The following SH3RF1 variants were observed in gnomAD, a reference collection of about 807,000 sequenced individuals.
The protein encoded by SH3RF1 is SH3 domain containing ring finger 1.
A neutral mutation model predicts 74.0 loss-of-function variants in SH3RF1; 32 were observed. The ratio of observed to expected loss-of-function variants is 0.43; its 90% CI spans 0.33 to 0.58. The LOEUF (loss-of-function observed/expected upper bound fraction) is 0.58. Among genes scored for constraint, SH3RF1 ranks in the 20% least tolerant of loss-of-function variants. The pLI, the probability that SH3RF1 is intolerant of heterozygous loss-of-function variation, is 0.05. For missense variants in SH3RF1, 954 were observed against 1,130.9 expected, an observed-to-expected ratio of 0.84 and a Z score of 2.24; for synonymous variants, 396 against 439.6, an observed-to-expected ratio of 0.90 and a Z score of 1.24.
At chr4:169,127,297 T>C (rs910519768) in intron 6 of SH3RF1, among the ~76,000 whole-genome samples, 2 of 152,248 alleles carry the variant, frequency 1.3e-5, no homozygotes, top group South Asian at 4.1e-4. Flanking sequence ...GAAATAATTT[T>C]CATTTTTTAT....
chr4:169,125,515 A>G (rs1733511669), intron 6 of SH3RF1, among the ~76,000 whole-genome samples: 1 of 152,192 alleles, frequency 6.6e-6, no homozygotes, highest in Non-Finnish European at 1.5e-5. Flanking sequence ...GCCAAGGGCT[A>G]CAGGCCAGCT....
At chr4:169,121,060 T>C (rs1733429255) in intron 7 of SH3RF1, 71 bp from the exon 8 acceptor site, 3 of 1,300,722 alleles carry the variant, frequency 2.3e-6, no homozygotes, top group South Asian at 1.2e-5. Context: ...AAATTCTTCC[T>C]TGGTACAAAG....
chr4:169,152,036 A>C (rs544609176), intron 4 of SH3RF1, among the ~76,000 whole-genome samples: 2 of 152,246 alleles, frequency 1.3e-5, no homozygotes, highest in Non-Finnish European at 2.9e-5. Flanking sequence ...TTGAACAAAG[A>C]AGCAGATTAA....
rs144025259 is a variant in SH3RF1, at chr4:169,240,771, A to G, written c.393+28049T>C. Among the ~76,000 whole-genome samples, 12 of 152,264 alleles carry G rather than the reference A, an allele frequency of 7.9e-5. No individual in the cohort carries two copies. In the East Asian group the frequency reaches 2.3e-3, roughly 29 times the overall value. On this transcript the variant is annotated intron_variant, in intron 2 of 11. Coordinates refer to ENST00000284637, the MANE Select transcript of SH3RF1 (RefSeq NM_020870.4). ...TCCATAACACATTATTACTAACCAC[A>G]GTCACCATGCTGCACTTGCCTGTTT...
chr4:169,268,445 A>G (rs1288373178), intron 2 of SH3RF1, among the ~76,000 whole-genome samples: 2 of 152,206 alleles, frequency 1.3e-5, no homozygotes, highest in Non-Finnish European at 2.9e-5. Flanking sequence ...TATATACTAC[A>G]TATGTACTAC....
rs1579152146 is a variant in SH3RF1 at position 169,230,807 on chromosome 4, G to C, written c.393+38013C>G. 3.5e-5 allele frequency among the ~76,000 whole-genome samples: 5 copies of C among 144,282 alleles called. No individual in the cohort carries two copies. The East Asian group carries it at 8.1e-4, about 23-fold the overall frequency. The allele number at this position is 144,282 out of a possible 152,430, so 94.7% of individuals were successfully genotyped here. ...GGAGGCAGAGGTTGCAGTGAGCTGA[G>C]ATCGTGCCATTGCACTCCAGCGTAG... On this transcript the variant is annotated intron_variant, in intron 2 of 11. Transcript: ENST00000284637.
chr4:169,254,342 A>G (rs1731150383), intron 2 of SH3RF1, among the ~76,000 whole-genome samples: 1 of 152,234 alleles, frequency 6.6e-6, no homozygotes. Context: ...AGGAGACAAC[A>G]CTAAAGCACA....
chr4:169,102,761 A>G (rs1733061235), intron 11 of SH3RF1, among the ~76,000 whole-genome samples: 1 of 152,118 alleles, frequency 6.6e-6, no homozygotes, highest in African/African-American at 2.4e-5. Context: ...CAAACACAGA[A>G]GAATCCTTTT....
At chr4:169,142,356 GTTAT>G (rs1733801343) in intron 4 of SH3RF1, among the ~76,000 whole-genome samples, 1 of 152,108 alleles carries the variant, frequency 6.6e-6, no homozygotes, top group Non-Finnish European at 1.5e-5. Context: ...GTTCTAATTT[GTTAT>G]TTATCAGTTT....
chr4:169,145,459 G>C (rs1176758022), intron 4 of SH3RF1, among the ~76,000 whole-genome samples: 1 of 140,102 alleles, frequency 7.1e-6, no homozygotes, highest in East Asian at 2.0e-4. Context: ...TATTGGGTAC[G>C]ATGTTCACCA....
intron 4 of SH3RF1, among the ~76,000 whole-genome samples, chr4:169,153,299 A>G (rs1362982095): frequency 6.6e-6 from 1 of 152,154 alleles, no homozygotes; most frequent in Admixed American, 6.5e-5. Flanking sequence ...CTTCTAGGAG[A>G]TAACAGTTTT....
chr4:169,128,706 T>C (rs1733565029), intron 6 of SH3RF1, among the ~76,000 whole-genome samples: 1 of 152,232 alleles, frequency 6.6e-6, no homozygotes, highest in African/African-American at 2.4e-5. Context: ...TGACTAATTA[T>C]GTTGTGGAGT....
Position 169,156,499 on chromosome 4 carries a change from TA to T in SH3RF1, c.573del (p.Lys192AsnfsTer18). The part of the protein sequence containing the change: ...GFFPTNFVQI[I>X]KPLPQPPPQC... ...TGAGGTGGGGGCTGAGGTAACGGTT[TA>T]ATAATCTGCACAAAGTTGGTGGGGA... On this transcript the variant is annotated frameshift_variant, in exon 3 of 12. Transcript: ENST00000284637. LOFTEE classifies it high-confidence loss of function. 1 of 1,614,110 alleles carries T rather than the reference TA, an allele frequency of 6.2e-7. No homozygotes were observed. Among genetic ancestry groups the T allele is most frequent in the Non-Finnish European group, 8.5e-7 (1 of 1,179,994 alleles).
intron 2 of SH3RF1, among the ~76,000 whole-genome samples, chr4:169,250,926 C>T (rs533431419): frequency 2.3e-4 from 35 of 152,130 alleles, no homozygotes; most frequent in Non-Finnish European, 4.6e-4. Context: ...GCTGACCTTC[C>T]TTCCAGGCAG....
intron 2 of SH3RF1, among the ~76,000 whole-genome samples, chr4:169,184,499 A>T (rs749293403): frequency 6.6e-6 from 1 of 152,176 alleles, no homozygotes; most frequent in Non-Finnish European, 1.5e-5. Context: ...CCTGAGTCTC[A>T]CAGGAGGATA....
chr4:169,156,331 C>T (rs557310100), intron 3 of SH3RF1, 73 bp downstream of exon 3: 5 of 1,435,804 alleles, frequency 3.5e-6, no homozygotes, highest in South Asian at 1.8e-5. Context: ...AAAGGCAACA[C>T]GAGCTATATT....
chr4:169,192,908 T>G (rs943202221), intron 2 of SH3RF1, among the ~76,000 whole-genome samples: 2 of 118,544 alleles, frequency 1.7e-5, no homozygotes, highest in African/African-American at 2.7e-5. Context: ...TATATATATA[T>G]CATATATATG....
At chr4:169,158,815 T>C (rs1734103111) in intron 2 of SH3RF1, among the ~76,000 whole-genome samples, 1 of 152,230 alleles carries the variant, frequency 6.6e-6, no homozygotes, top group African/African-American at 2.4e-5. Context: ...TTTCAAAAAT[T>C]AGTTTGGTTT....
chr4:169,204,784 C>T (rs755193379), intron 2 of SH3RF1, among the ~76,000 whole-genome samples: 10 of 152,058 alleles, frequency 6.6e-5, no homozygotes, highest in East Asian at 3.9e-4. Flanking sequence ...CTCCTGACCT[C>T]GTGATCCACC....
Sources: allele counts gnomAD v4.1 joint callset (sites outside exome capture counted in the v4.1 genomes callset), GRCh38; gene constraint gnomAD v4.1.1; transcripts MANE v1.5; gene names NCBI Gene and HGNC (gene_info 2026-07-23, HGNC 2026-07-21).